The following LRRC37A2 variants were observed in gnomAD, a reference collection of about 807,000 sequenced individuals.
The protein encoded by LRRC37A2 is leucine-rich repeat-containing protein 37A2.
In LRRC37A2, 9 loss-of-function variants were observed where a neutral mutation model predicts 68.8. The observed-to-expected ratio is 0.13, with a 90% CI of 0.08 to 0.23. LRRC37A2 has a LOEUF of 0.23. Ranked by LOEUF, LRRC37A2 falls within the 10% of genes least tolerant of loss-of-function variation. The probability of loss-of-function intolerance (pLI) is 1.00; values close to 1 mark genes in which losing one functional copy is unlikely to be tolerated. For missense variants in LRRC37A2, 168 were observed against 950.4 expected (o/e 0.18, Z 10.82); for synonymous variants, 63 against 367.6 (o/e 0.17, Z 9.48).
chr17:46,770,161 G>C, the LRRC37A2 span: 4 of 1,382,340 alleles, frequency 2.9e-6, no homozygotes, highest in Admixed American at 2.6e-5. Flanking sequence ...GAGTTGAAGA[G>C]CTCACCAGCC....
the LRRC37A2 span, among the ~76,000 whole-genome samples, chr17:47,011,414 T>C: frequency 1.3e-5 from 2 of 151,762 alleles, no homozygotes; most frequent in Non-Finnish European, 2.9e-5. Flanking sequence ...CCAGGTGTGG[T>C]GGTGGGTGCC....
the LRRC37A2 span, among the ~76,000 whole-genome samples, chr17:46,823,206 A>AATATATTATATATATTTATATATT: frequency 7.8e-6 from 1 of 128,290 alleles, no homozygotes; most frequent in Non-Finnish European, 1.6e-5. Flanking sequence ...ATTTATATAT[A>AATATATTATATATATTTATATATT]ATATATTATA....
chr17:46,939,370 G>A, the LRRC37A2 span: 1 of 1,001,286 alleles, frequency 1.0e-6, no homozygotes, highest in South Asian at 4.3e-5. Context: ...CCGATAACAA[G>A]TAAGATTTTC....
At chr17:47,014,973 G>A in the LRRC37A2 span, among the ~76,000 whole-genome samples, 3 of 150,570 alleles carry the variant, frequency 2.0e-5, no homozygotes, top group East Asian at 5.8e-4. Flanking sequence ...AGCGTATAAT[G>A]GAGCTATCCC....
chr17:46,991,934 C>A, the LRRC37A2 span, among the ~76,000 whole-genome samples: 1 of 152,220 alleles, frequency 6.6e-6, no homozygotes, highest in Admixed American at 6.5e-5. Flanking sequence ...TACCACCTAG[C>A]TCTTTACAGA....
At chr17:46,899,973 G>A in the LRRC37A2 span, among the ~76,000 whole-genome samples, 1 of 151,232 alleles carries the variant, frequency 6.6e-6, no homozygotes, top group Non-Finnish European at 1.5e-5. Context: ...AGGGACCTTG[G>A]ACAAGTCACT....
chr17:46,772,350 G>A, the LRRC37A2 span, among the ~76,000 whole-genome samples: 12 of 152,250 alleles, frequency 7.9e-5, no homozygotes, highest in Admixed American at 3.9e-4. Context: ...AACGCGGAGT[G>A]AATGGGTAGC....
chr17:46,421,099 A>G, the LRRC37A2 span, among the ~76,000 whole-genome samples: 1 of 76,180 alleles, frequency 1.3e-5, no homozygotes, highest in Admixed American at 1.3e-4. Flanking sequence ...ATGCCCAACC[A>G]TTTTTTTTTT....
chr17:47,009,559 T>C, the LRRC37A2 span, among the ~76,000 whole-genome samples: 1 of 152,230 alleles, frequency 6.6e-6, no homozygotes, highest in Non-Finnish European at 1.5e-5. Context: ...CATGTGGTCC[T>C]GAGCTATGGA....
At chr17:46,730,361 G>A in the LRRC37A2 span, among the ~76,000 whole-genome samples, 1 of 152,122 alleles carries the variant, frequency 6.6e-6, no homozygotes, top group Non-Finnish European at 1.5e-5. Context: ...GGAGAAGGAA[G>A]ATTAACTTCA....
the LRRC37A2 span, among the ~76,000 whole-genome samples, chr17:47,006,342 C>T: frequency 5.3e-5 from 8 of 152,050 alleles, no homozygotes; most frequent in African/African-American, 7.2e-5. Context: ...ACTGCAGGGC[C>T]GGGTGCAGTG....
chr17:46,793,858 G>A, the LRRC37A2 span, among the ~76,000 whole-genome samples: 3 of 152,134 alleles, frequency 2.0e-5, no homozygotes, highest in Non-Finnish European at 4.4e-5. Flanking sequence ...GATTGCCATC[G>A]GCCAGGAAGT....
At chr17:46,939,873 T>G in the LRRC37A2 span, 1 of 994,398 alleles carries the variant, frequency 1.0e-6, no homozygotes, top group Non-Finnish European at 1.2e-6. Flanking sequence ...CCATCTAATG[T>G]GGTGAATCAC....
intron 8 of LRRC37A2, among the ~76,000 whole-genome samples, chr17:46,541,330 C>A (rs1170867613): frequency 1.3e-5 from 2 of 149,800 alleles, no homozygotes; most frequent in Non-Finnish European, 2.9e-5. Flanking sequence ...AGGCTCACTG[C>A]AACCTCCACC....
At chr17:46,930,586 G>A in the LRRC37A2 span, 1 of 154,374 alleles carries the variant, frequency 6.5e-6, no homozygotes, top group Non-Finnish European at 1.4e-5. Flanking sequence ...AAGCTTTAAG[G>A]GAAGAAAGCC....
chr17:46,486,185 A>G, the LRRC37A2 span, among the ~76,000 whole-genome samples: 1 of 89,446 alleles, frequency 1.1e-5, no homozygotes, highest in Non-Finnish European at 2.5e-5. Context: ...CCTGGCAGCC[A>G]CCATTTTACT....
chr17:47,031,278 C>G, the LRRC37A2 span, among the ~76,000 whole-genome samples: 1 of 148,368 alleles, frequency 6.7e-6, no homozygotes, highest in East Asian at 2.0e-4. Context: ...CGAGGTTTTG[C>G]ATTGGGGAAA....
the LRRC37A2 span, among the ~76,000 whole-genome samples, chr17:46,995,759 C>T: frequency 1.3e-5 from 2 of 152,316 alleles, no homozygotes; most frequent in South Asian, 4.1e-4. Context: ...GAGCTTCAAA[C>T]TTGTTTGAGC....
chr17:46,975,805 T>C, the LRRC37A2 span, among the ~76,000 whole-genome samples: 18 of 152,004 alleles, frequency 1.2e-4, no homozygotes, highest in African/African-American at 4.1e-4. Context: ...CTGCAAAGTG[T>C]CCCCACTAAG....
Sources: gnomAD v4.1 joint callset for allele counts (sites outside exome capture counted in the v4.1 genomes callset) on GRCh38, gnomAD v4.1.1 for gene constraint, MANE v1.5 for transcripts, NCBI Gene and HGNC (gene_info 2026-07-23, HGNC 2026-07-21) for gene names.